The following CNTN4 variants were observed in gnomAD, a reference collection of about 807,000 sequenced individuals.
The protein encoded by CNTN4 is contactin 4.
In CNTN4, 77 loss-of-function variants were observed where a neutral mutation model predicts 122.5. The observed-to-expected ratio is 0.63, with a 90% confidence interval of 0.52 to 0.76. The LOEUF (loss-of-function observed/expected upper bound fraction) is 0.76, where lower values mean the gene tolerates loss of function less well. CNTN4 is among the 30% of genes least tolerant of loss of function. The probability of loss-of-function intolerance (pLI) is 0.00; values close to 1 mark genes in which losing one functional copy is unlikely to be tolerated. For missense variants in CNTN4, 1,256 were observed against 1,259.1 expected, an observed-to-expected ratio of 1.00 and a Z score of 0.04; for synonymous variants, 512 against 447.0, an observed-to-expected ratio of 1.15 and a Z score of -1.83.
intron 14 of CNTN4, among the ~76,000 whole-genome samples, chr3:2,997,463 A>G (rs937041584): frequency 3.3e-5 from 5 of 152,230 alleles, no homozygotes; most frequent in Admixed American, 6.5e-5. Context: ...AGAATAATTC[A>G]TGAGTGACTC....
chr3:2,679,532 A>AATAGCCAG (rs1233076842), intron 4 of CNTN4, among the ~76,000 whole-genome samples: 4 of 152,172 alleles, frequency 2.6e-5, no homozygotes, highest in Admixed American at 2.0e-4. Context: ...TCCTAAAAAG[A>AATAGCCAG]ATAGCCAGAA....
chr3:2,763,156 A>G (rs962356801), intron 6 of CNTN4, among the ~76,000 whole-genome samples: 9 of 152,102 alleles, frequency 5.9e-5, no homozygotes, highest in African/African-American at 1.9e-4. Flanking sequence ...CATGTTAGCC[A>G]GGATGGTTTC....
At chr3:2,722,469 A>G (rs2087923381) in intron 4 of CNTN4, among the ~76,000 whole-genome samples, 2 of 152,250 alleles carry the variant, frequency 1.3e-5, no homozygotes, top group Admixed American at 6.5e-5. Context: ...ACAGTCATCC[A>G]CCTTCTCTGT....
At chr3:2,418,738 A>C (rs2047508181) in intron 3 of CNTN4, among the ~76,000 whole-genome samples, 1 of 152,210 alleles carries the variant, frequency 6.6e-6, no homozygotes, top group South Asian at 2.1e-4. Flanking sequence ...ATTAAGAAAA[A>C]ATAATACATA....
intron 4 of CNTN4, among the ~76,000 whole-genome samples, chr3:2,662,516 C>G (rs1252978926): frequency 6.6e-6 from 1 of 152,158 alleles, no homozygotes; most frequent in Non-Finnish European, 1.5e-5. Flanking sequence ...TTTCTTTCAC[C>G]TGTGGTCCAA....
chr3:3,011,273 C>A (rs1435215898), intron 14 of CNTN4, among the ~76,000 whole-genome samples: 1 of 152,180 alleles, frequency 6.6e-6, no homozygotes, highest in South Asian at 2.1e-4. Context: ...GCCCCATAAA[C>A]TACTCCAATA....
chr3:2,871,297 A>C (rs2093781329), intron 8 of CNTN4, among the ~76,000 whole-genome samples: 1 of 152,228 alleles, frequency 6.6e-6, no homozygotes, highest in Non-Finnish European at 1.5e-5. Context: ...GTATATCATC[A>C]ATAACTTTCT....
chr3:2,842,372 T>C (rs1346024113), intron 7 of CNTN4, among the ~76,000 whole-genome samples: 1 of 152,178 alleles, frequency 6.6e-6, no homozygotes, highest in Non-Finnish European at 1.5e-5. Context: ...ATCCTCTTGG[T>C]CACTGGATTG....
intron 3 of CNTN4, among the ~76,000 whole-genome samples, chr3:2,549,907 T>C (rs2149353160): frequency 6.6e-6 from 1 of 152,312 alleles, no homozygotes; most frequent in African/African-American, 2.4e-5. Flanking sequence ...GGGATTCAAC[T>C]TCTTCCTGGT....
At chr3:2,384,850 T>G (rs370052928) in intron 3 of CNTN4, among the ~76,000 whole-genome samples, 4 of 152,118 alleles carry the variant, frequency 2.6e-5, no homozygotes, top group African/African-American at 9.7e-5. Flanking sequence ...TTTACCTATC[T>G]TTTTTTAACC....
intron 7 of CNTN4, among the ~76,000 whole-genome samples, chr3:2,855,035 A>C (rs145561671): frequency 0.013 from 1,935 of 152,308 alleles, 25 homozygotes; most frequent in Middle Eastern, 0.054. Context: ...GGTACGAGTG[A>C]CCCGTACAAT....
intron 2 of CNTN4, among the ~76,000 whole-genome samples, chr3:2,174,997 C>T (rs1020254267): frequency 8.2e-4 from 124 of 152,066 alleles, no homozygotes; most frequent in African/African-American, 2.9e-3. Flanking sequence ...CTGGAGTTTA[C>T]AATTCAACAT....
intron 1 of CNTN4, among the ~76,000 whole-genome samples, chr3:2,100,017 G>C (rs1276506992): frequency 6.6e-6 from 1 of 152,188 alleles, no homozygotes; most frequent in Non-Finnish European, 1.5e-5. Flanking sequence ...AGGCGGCTTC[G>C]CGCGTCGGGA....
chr3:2,226,617 A>G (rs2039293311), intron 2 of CNTN4, among the ~76,000 whole-genome samples: 2 of 152,220 alleles, frequency 1.3e-5, no homozygotes, highest in Non-Finnish European at 2.9e-5. Context: ...CAACCCTTAG[A>G]TTTCCACTGC....
intron 3 of CNTN4, among the ~76,000 whole-genome samples, chr3:2,444,963 G>A (rs1273252289): frequency 6.6e-6 from 1 of 151,004 alleles, no homozygotes; most frequent in Non-Finnish European, 1.5e-5. Context: ...TCACATGCCT[G>A]AAATGCCGCA....
In CNTN4 at chr3:2,393,207, C is replaced by T. The variant is rs117491344; in HGVS notation, c.-89+53974C>T. On this transcript the variant is annotated intron_variant, in intron 3 of 24. Coordinates refer to ENST00000418658, the MANE Select transcript of CNTN4 (RefSeq NM_175607.3). ...CTGAGTGAGTACATGTGTCTGTCTC[C>T]GCATTTCCTATTTTTATGAGAATAC... is the stretch of plus-strand genomic sequence containing the variant. Among the ~76,000 whole-genome samples the T allele has an allele frequency of 2.9e-3, 443 of 152,092 alleles. 7 individuals are homozygous for T. The highest frequency in any genetic ancestry group is 0.016 in the East Asian group (81 of 5,148).
At chr3:2,241,830 C>G (rs753613816) in intron 2 of CNTN4, among the ~76,000 whole-genome samples, 1 of 152,162 alleles carries the variant, frequency 6.6e-6, no homozygotes, top group Non-Finnish European at 1.5e-5. Context: ...CAAGGTAATA[C>G]AAGTCTAGGC....
At chr3:2,257,334 C>T (rs761220616) in intron 2 of CNTN4, among the ~76,000 whole-genome samples, 65 of 152,298 alleles carry the variant, frequency 4.3e-4, no homozygotes, top group Non-Finnish European at 6.8e-4. Context: ...ACCATAAAAA[C>T]CACAGAAGAA....
At position 2,819,686 on chromosome 3, in the gene CNTN4, G is replaced by T. The variant is rs1301151738; in HGVS notation, c.454+105G>T. On this transcript the variant is annotated intron_variant, in intron 7 of 24. Transcript: ENST00000418658. ...CTGAGTGCACAGTGTCATTTATAGAGATTCCCAAAGCCCCTCCATGTGGAG... is the reference window on the plus strand; with the variant it reads ...CTGAGTGCACAGTGTCATTTATAGATATTCCCAAAGCCCCTCCATGTGGAG... 3.3e-5 allele frequency: 29 copies of T among 874,616 alleles called. No individual in the cohort carries two copies. In the East Asian group the frequency reaches 4.0e-4, roughly 12 times the overall value. The allele number at this position is 874,616 out of a possible 1,614,324, so 54.2% of individuals were successfully genotyped here. A position where few individuals can be genotyped will look rare whatever the true frequency, so the allele number is the denominator to read the frequency against.
Sources: allele counts gnomAD v4.1 joint callset (sites outside exome capture counted in the v4.1 genomes callset), GRCh38; gene constraint gnomAD v4.1.1; transcripts MANE v1.5; gene names NCBI Gene and HGNC (gene_info 2026-07-23, HGNC 2026-07-21).